Variants in GOLGA4 observed in about 807,000 individuals in gnomAD.
GOLGA4 encodes golgin A4.
Under a neutral mutation model 265.9 loss-of-function variants are expected in GOLGA4, and 169 were observed. The observed-to-expected ratio is 0.64, with a 90% CI of 0.56 to 0.72. GOLGA4 has a LOEUF of 0.72. Ranked by LOEUF, GOLGA4 falls within the 30% of genes least tolerant of loss-of-function variation. The pLI is 0.00. For missense variants in GOLGA4, 2,482 were observed against 2,483.4 expected, an observed-to-expected ratio of 1.00 and a Z score of 0.01; for synonymous variants, 923 against 855.8, an observed-to-expected ratio of 1.08 and a Z score of -1.37.
intron 2 of GOLGA4, among the ~76,000 whole-genome samples, chr3:37,279,723 G>A (rs754318901): frequency 5.3e-5 from 8 of 151,982 alleles, no homozygotes. Context: ...CCGGGCCAAC[G>A]TGGTGAAATC....
intron 22 of GOLGA4, among the ~76,000 whole-genome samples, chr3:37,358,625 C>T (rs1023564290): frequency 6.6e-6 from 1 of 152,132 alleles, no homozygotes; most frequent in African/African-American, 2.4e-5. Context: ...GTACAGTTGC[C>T]TGCGCTGAGT....
chr3:37,288,714 G>A (rs1177760666), intron 4 of GOLGA4, among the ~76,000 whole-genome samples: 4 of 151,512 alleles, frequency 2.6e-5, no homozygotes, highest in South Asian at 2.1e-4. Context: ...TCCTGACCTC[G>A]TGATCCACCT....
intron 22 of GOLGA4, among the ~76,000 whole-genome samples, chr3:37,357,510 A>G (rs1362513282): frequency 6.6e-6 from 1 of 152,206 alleles, no homozygotes; most frequent in African/African-American, 2.4e-5. Context: ...ATGAAATTTT[A>G]TGATGAACAT....
intron 3 of GOLGA4, among the ~76,000 whole-genome samples, chr3:37,282,960 GA>G (rs1348787179): frequency 2.0e-5 from 3 of 152,030 alleles, no homozygotes; most frequent in Admixed American, 1.3e-4. Context: ...TCTTTCTCAG[GA>G]AAGCTTTTTT....
intron 21 of GOLGA4, among the ~76,000 whole-genome samples, chr3:37,352,397 C>T (rs1289398047): frequency 1.3e-5 from 2 of 152,010 alleles, no homozygotes; most frequent in Non-Finnish European, 2.9e-5. Context: ...CACTCACTAT[C>T]ACAAGAACAG....
intron 19 of GOLGA4, among the ~76,000 whole-genome samples, chr3:37,338,917 A>G (rs1218682728): frequency 7.6e-6 from 1 of 131,804 alleles, no homozygotes; most frequent in Non-Finnish European, 1.5e-5. Context: ...GCTGGAGTGT[A>G]GTGGCACGAT....
intron 2 of GOLGA4, chr3:37,275,665 G>C: frequency 6.2e-7 from 1 of 1,611,412 alleles, no homozygotes; most frequent in Non-Finnish European, 8.5e-7. Context: ...TGCCAGCGGG[G>C]TGGGCGCGGA....
chr3:37,347,388 T>C, intron 21 of GOLGA4, 92 bp downstream of exon 21: 1 of 693,442 alleles, frequency 1.4e-6, no homozygotes. Context: ...ATATGTTTAC[T>C]ATTAGCAAAT....
intron 2 of GOLGA4, chr3:37,276,387 A>T: frequency 6.2e-7 from 1 of 1,607,578 alleles, no homozygotes. Context: ...GCTAGTGATG[A>T]GCTGAAAGAG....
At chr3:37,261,869 C>T (rs766065781) in intron 2 of GOLGA4, among the ~76,000 whole-genome samples, 1 of 151,884 alleles carries the variant, frequency 6.6e-6, no homozygotes, top group Non-Finnish European at 1.5e-5. Flanking sequence ...CCCTATATTG[C>T]CATAAGGTAA....
intron 10 of GOLGA4, chr3:37,302,749 C>T (rs1187917695): frequency 6.3e-6 from 1 of 159,134 alleles, no homozygotes; most frequent in East Asian, 1.8e-4. Context: ...TAATTGCTAC[C>T]TTATAGATGC....
In GOLGA4 at chr3:37,326,938, A is replaced by G; in HGVS notation, c.5052A>G (p.Arg1684=). Residue 1684 remains arginine (R), a synonymous_variant, in exon 14 of 24, where the codon AGA becomes AGG. Transcript: ENST00000361924. ...LSELNTKLQE[R]EREVHILEEK... ...AGCTAAATACAAAATTGCAGGAAAG[A>G]GAAAGGGAAGTTCACATCTTGGAAG... 12 of 1,613,998 alleles carry G rather than the reference A, an allele frequency of 7.4e-6. No individual in the cohort carries two copies. The highest frequency in any genetic ancestry group is 1.0e-5 in the Non-Finnish European group (12 of 1,179,864).
At chr3:37,255,419 T>C (rs537355826) in intron 2 of GOLGA4, among the ~76,000 whole-genome samples, 167 of 152,292 alleles carry the variant, frequency 1.1e-3, no homozygotes, top group African/African-American at 3.8e-3. Context: ...CGCCTCGGCC[T>C]CCCAAAGTGC....
intron 5 of GOLGA4, among the ~76,000 whole-genome samples, chr3:37,294,073 T>C (rs1178106803): frequency 6.6e-6 from 1 of 152,208 alleles, no homozygotes; most frequent in Non-Finnish European, 1.5e-5. Flanking sequence ...TTATGTGATA[T>C]GTGACTATAC....
chr3:37,363,306 A>T (rs547515228), intron 23 of GOLGA4, among the ~76,000 whole-genome samples: 3 of 152,174 alleles, frequency 2.0e-5, no homozygotes, highest in Non-Finnish European at 4.4e-5. Context: ...TTAAGTCTTA[A>T]TGTTTTCCTT....
chr3:37,274,429 T>C lies in GOLGA4; in HGVS notation c.163-7529T>C, dbSNP rs199887104. On this transcript the variant is annotated intron_variant, in intron 2 of 23. Coordinates refer to ENST00000361924, the MANE Select transcript of GOLGA4 (RefSeq NM_002078.5). The stretch of plus-strand genomic sequence containing the variant: ...ATAGCAGGCTGGGCGCAGTGGCTCA[T>C]GCCTGTTATCCCAGCACTTTAGGAG... Among the ~76,000 whole-genome samples, 9 of 152,254 alleles carry C rather than the reference T, an allele frequency of 5.9e-5. No individual in the cohort carries two copies. The East Asian group carries it at 1.5e-3, about 26-fold the overall frequency.
intron 22 of GOLGA4, 32 bp from the exon 23 acceptor site, chr3:37,361,211 C>G: frequency 6.5e-7 from 1 of 1,540,206 alleles, no homozygotes; most frequent in Non-Finnish European, 9.0e-7. Flanking sequence ...TAAAACTAAC[C>G]CAATAAGCTT....
At chr3:37,362,242 T>TA (rs1271752916) in intron 23 of GOLGA4, among the ~76,000 whole-genome samples, 6 of 116,580 alleles carry the variant, frequency 5.1e-5, no homozygotes, top group South Asian at 2.5e-4. Flanking sequence ...TATTTATTAT[T>TA]TTTTTTTTTT....
intron 2 of GOLGA4, among the ~76,000 whole-genome samples, chr3:37,263,989 T>C (rs6550466): frequency 0.3 from 46,184 of 152,072 alleles, 7,882 homozygotes; most frequent in Non-Finnish European, 0.39. Flanking sequence ...AAGAAGGAAA[T>C]AACAAGGTCA....
Sources: allele counts gnomAD v4.1 joint callset (sites outside exome capture counted in the v4.1 genomes callset), GRCh38; gene constraint gnomAD v4.1.1; transcripts MANE v1.5; gene names NCBI Gene and HGNC (gene_info 2026-07-23, HGNC 2026-07-21).